Variants in ERBB4 observed in about 807,000 individuals in gnomAD.
ERBB4 encodes receptor tyrosine-protein kinase erbB-4.
In ERBB4, 42 loss-of-function variants were observed where a neutral mutation model predicts 158.0. The observed-to-expected ratio is 0.27, with a 90% CI of 0.21 to 0.34. The LOEUF (loss-of-function observed/expected upper bound fraction) is 0.34, where lower values mean the gene tolerates loss of function less well. ERBB4 is among the 10% of genes least tolerant of loss of function. The pLI is 1.00. For missense variants in ERBB4, 1,333 were observed against 1,624.1 expected, an observed-to-expected ratio of 0.82 and a Z score of 3.08; for synonymous variants, 583 against 558.7, an observed-to-expected ratio of 1.04 and a Z score of -0.61.
chr2:211,829,050 T>C (rs72931605), intron 3 of ERBB4, among the ~76,000 whole-genome samples: 16,135 of 152,196 alleles, frequency 0.11, 1,140 homozygotes, highest in Non-Finnish European at 0.15. Flanking sequence ...CATTCTCATA[T>C]TGGAGCCATG....
intron 20 of ERBB4, among the ~76,000 whole-genome samples, chr2:211,441,266 C>G (rs1396661599): frequency 6.6e-6 from 1 of 152,092 alleles, no homozygotes; most frequent in Non-Finnish European, 1.5e-5. Context: ...GGCTCATTTT[C>G]TAGCCTAATA....
chr2:211,743,903 A>G (rs1434314767), intron 5 of ERBB4, among the ~76,000 whole-genome samples: 1 of 152,168 alleles, frequency 6.6e-6, no homozygotes, highest in East Asian at 1.9e-4. Flanking sequence ...ACTCTGTGAG[A>G]AATTTTCTTG....
chr2:211,919,602 A>G (rs2079802321), intron 3 of ERBB4, among the ~76,000 whole-genome samples: 1 of 152,014 alleles, frequency 6.6e-6, no homozygotes, highest in African/African-American at 2.4e-5. Flanking sequence ...GGCTCATGAA[A>G]TGGAACAGTT....
chr2:211,770,570 T>C (rs2075666796), intron 4 of ERBB4, among the ~76,000 whole-genome samples: 1 of 152,236 alleles, frequency 6.6e-6, no homozygotes, highest in African/African-American at 2.4e-5. Flanking sequence ...GTGAAAATGC[T>C]TGTTAAAATG....
chr2:211,409,481 T>A (rs1012632319), intron 25 of ERBB4, among the ~76,000 whole-genome samples: 2 of 152,200 alleles, frequency 1.3e-5, no homozygotes, highest in African/African-American at 4.8e-5. Context: ...TTCAAGTAGG[T>A]AATGACTGAG....
intron 17 of ERBB4, 124 bp downstream of exon 17, chr2:211,630,338 A>G (rs2070057616): frequency 8.9e-7 from 1 of 1,125,670 alleles, no homozygotes; most frequent in East Asian, 2.3e-5. Flanking sequence ...CGGACTATAA[A>G]ATAAAAAACT....
At chr2:212,503,983 T>C (rs1691043896) in intron 1 of ERBB4, among the ~76,000 whole-genome samples, 1 of 152,250 alleles carries the variant, frequency 6.6e-6, no homozygotes, top group South Asian at 2.1e-4. Context: ...AGTATCTATA[T>C]GTTTGTAGAC....
At chr2:211,675,579 CCTAT>C (rs1261110685) in intron 13 of ERBB4, among the ~76,000 whole-genome samples, 1 of 151,574 alleles carries the variant, frequency 6.6e-6, no homozygotes, top group Non-Finnish European at 1.5e-5. Context: ...ATTGCAGTTA[CCTAT>C]CTTTTTCATT....
chr2:211,883,343 T>A (rs58540760), intron 3 of ERBB4, among the ~76,000 whole-genome samples: 2 of 151,998 alleles, frequency 1.3e-5, no homozygotes, highest in South Asian at 4.1e-4. Flanking sequence ...ATATACCTAA[T>A]GTAAATGACA....
intron 20 of ERBB4, among the ~76,000 whole-genome samples, chr2:211,492,275 G>A (rs920484784): frequency 2.0e-5 from 3 of 152,040 alleles, no homozygotes; most frequent in African/African-American, 7.2e-5. Flanking sequence ...TTCTGATTTT[G>A]GGGGGAGCAT....
chr2:212,181,575 C>A (rs935688129), intron 1 of ERBB4, among the ~76,000 whole-genome samples: 3 of 151,684 alleles, frequency 2.0e-5, no homozygotes, highest in Non-Finnish European at 4.4e-5. Context: ...ATATTACAGT[C>A]CTGCACTCAT....
At chr2:212,478,193 C>T (rs1689503890) in intron 1 of ERBB4, among the ~76,000 whole-genome samples, 1 of 151,966 alleles carries the variant, frequency 6.6e-6, no homozygotes, top group South Asian at 2.1e-4. Flanking sequence ...GTCTAATTTA[C>T]CTAAATAGAT....
At chr2:212,040,631 T>C (rs937124814) in intron 2 of ERBB4, among the ~76,000 whole-genome samples, 1 of 152,156 alleles carries the variant, frequency 6.6e-6, no homozygotes, top group Admixed American at 6.6e-5. Flanking sequence ...TTCACCTCCA[T>C]ACCTAGCATG....
intron 2 of ERBB4, among the ~76,000 whole-genome samples, chr2:211,957,210 GA>G (rs1362577847): frequency 3.3e-5 from 5 of 152,066 alleles, no homozygotes; most frequent in Non-Finnish European, 7.4e-5. Context: ...GGTTTTTAAA[GA>G]GGTAATTAGG....
At chr2:211,913,201 T>C (rs532098384) in intron 3 of ERBB4, among the ~76,000 whole-genome samples, 1 of 152,342 alleles carries the variant, frequency 6.6e-6, no homozygotes, top group South Asian at 2.1e-4. Flanking sequence ...GTCCCCACAA[T>C]ATTATCTCAT....
chr2:211,632,928 T>C (rs2070199810), intron 16 of ERBB4, among the ~76,000 whole-genome samples: 1 of 152,154 alleles, frequency 6.6e-6, no homozygotes, highest in African/African-American at 2.4e-5. Flanking sequence ...CTAAAATTTC[T>C]GTACTTAAAA....
chr2:212,529,630 T>G (rs1692640211), intron 1 of ERBB4, among the ~76,000 whole-genome samples: 1 of 152,190 alleles, frequency 6.6e-6, no homozygotes, highest in Admixed American at 6.5e-5. Context: ...TGTATGCTAT[T>G]CATTCATGTA....
At chr2:212,399,710 CAAA>C (rs774502441) in intron 1 of ERBB4, among the ~76,000 whole-genome samples, 1 of 106,534 alleles carries the variant, frequency 9.4e-6, no homozygotes, top group African/African-American at 3.4e-5. Context: ...ACTAAAAATA[CAAA>C]AAAAAAAAAA....
chr2:211,857,790 G>T (rs750282783), intron 3 of ERBB4, among the ~76,000 whole-genome samples: 1 of 152,188 alleles, frequency 6.6e-6, no homozygotes, highest in Non-Finnish European at 1.5e-5. Context: ...ACGACAAGTA[G>T]CTCAAGAGGC....
Sources: gnomAD v4.1 joint callset for allele counts (sites outside exome capture counted in the v4.1 genomes callset) on GRCh38, gnomAD v4.1.1 for gene constraint, MANE v1.5 for transcripts, NCBI Gene and HGNC (gene_info 2026-07-23, HGNC 2026-07-21) for gene names.